The following GREB1 variants were observed in gnomAD, a reference collection of about 807,000 sequenced individuals.
The protein encoded by GREB1 is protein GREB1.
GREB1 carries 106 observed loss-of-function variants against 200.7 expected under a neutral mutation model. That is an observed-to-expected ratio of 0.53 (90% confidence interval 0.45 to 0.62). The LOEUF (loss-of-function observed/expected upper bound fraction) is 0.62, where lower values mean the gene tolerates loss of function less well. Ranked by LOEUF, GREB1 falls within the 20% of genes least tolerant of loss-of-function variation. The probability of loss-of-function intolerance (pLI) is 0.00; values close to 1 mark genes in which losing one functional copy is unlikely to be tolerated. For synonymous variants in GREB1, 1,132 were observed against 1,092.4 expected, an observed-to-expected ratio of 1.04 and a Z score of -0.72; for missense variants, 2,243 against 2,556.8, an observed-to-expected ratio of 0.88 and a Z score of 2.65.
At position 11,512,756 on chromosome 2, in the gene GREB1, C is replaced by G. The variant is rs143757476; in HGVS notation, c.-159+30375C>G. On this transcript the variant is annotated intron_variant, in intron 1 of 2. Coordinates refer to the GREB1 transcript ENST00000628795. ...TCTCACACGGCTGTTGGAAGGCTCACTGTGCCCAACACATGGCATGTGCTC... is the reference window on the plus strand; with the variant it reads ...TCTCACACGGCTGTTGGAAGGCTCAGTGTGCCCAACACATGGCATGTGCTC... 6.2e-3 allele frequency among the ~76,000 whole-genome samples: 949 copies of G among 152,348 alleles called. 9 individuals are homozygous for G. The highest frequency in any genetic ancestry group is 0.021 in the African/African-American group (873 of 41,584).
chr2:11,527,212 C>T (rs1252803545), intron 1 of GREB1, among the ~76,000 whole-genome samples: 2 of 152,020 alleles, frequency 1.3e-5, no homozygotes, highest in Non-Finnish European at 2.9e-5. Context: ...TTGAATGCAC[C>T]TATTGCTATC....
chr2:11,634,097 C>T (rs1404509249), intron 28 of GREB1, 34 bp from the exon 29 acceptor site: 1 of 1,594,358 alleles, frequency 6.3e-7, no homozygotes, highest in African/African-American at 1.3e-5. Context: ...GCTCGTGTGT[C>T]AGCCTAGGGA....
intron 10 of GREB1, chr2:11,592,193 T>C (rs958679214): frequency 6.8e-5 from 39 of 577,282 alleles, no homozygotes; most frequent in Non-Finnish European, 8.2e-5. Context: ...TTTTCTTTTT[T>C]TTTTTTTTTT....
In GREB1 at chr2:11,618,413, C is replaced by G; in HGVS notation, c.3538C>G (p.Arg1180Gly). 3 of 1,609,576 alleles carry G rather than the reference C, an allele frequency of 1.9e-6. No individual in the cohort carries two copies. Among genetic ancestry groups the G allele is most frequent in the South Asian group, 1.1e-5 (1 of 90,602 alleles). Reference protein sequence around the residue: ...GRAPGEKQRPRASQGPPSAIS... With the variant: ...GRAPGEKQRPGASQGPPSAIS... ...AGCCCCTGGTGAGAAACAGAGGCCC[C>G]GGGCAAGTCAGGGGCCACCCTCGGC... The change falls in exon 22 of 33, where the codon CGG becomes GGG. Residue 1180 changes from arginine to glycine, a missense_variant. By Grantham distance (125) the Arg-to-Gly change is moderately radical. Around this residue, in one of 3 missense-constraint regions of GREB1, gnomAD observed 587 missense variants for 553.1 expected, o/e 1.06. Transcript: ENST00000381486.
At chr2:11,515,185 C>T (rs1673458386) in intron 1 of GREB1, among the ~76,000 whole-genome samples, 1 of 151,640 alleles carries the variant, frequency 6.6e-6, no homozygotes, top group Admixed American at 6.6e-5. Context: ...ATCCATCCAT[C>T]CGTTCATGCA....
At chr2:11,555,019 A>G (rs2147860349) in intron 1 of GREB1, among the ~76,000 whole-genome samples, 1 of 152,330 alleles carries the variant, frequency 6.6e-6, no homozygotes. Flanking sequence ...AAAGAAATGA[A>G]AAGGAGAACA....
chr2:11,604,663 G>A (rs1422016306), intron 17 of GREB1, among the ~76,000 whole-genome samples: 2 of 152,180 alleles, frequency 1.3e-5, no homozygotes, highest in African/African-American at 2.4e-5. Context: ...AAGCCGAGTG[G>A]GAGAGTGATT....
chr2:11,599,098 C>T (rs1464760958), intron 15 of GREB1, among the ~76,000 whole-genome samples: 4 of 152,082 alleles, frequency 2.6e-5, no homozygotes, highest in Non-Finnish European at 4.4e-5. Flanking sequence ...AGAAGGGAAG[C>T]GTGTCTCCCA....
At chr2:11,504,707 A>G (rs1027085275) in intron 1 of GREB1, among the ~76,000 whole-genome samples, 25 of 152,242 alleles carry the variant, frequency 1.6e-4, no homozygotes, top group African/African-American at 6.0e-4. Context: ...TACTGGCTGA[A>G]TAACATTCCA....
intron 1 of GREB1, among the ~76,000 whole-genome samples, chr2:11,518,995 G>A (rs980013513): frequency 6.6e-6 from 1 of 151,700 alleles, no homozygotes; most frequent in African/African-American, 2.4e-5. Context: ...AGCTACTTGG[G>A]AGGCTGAGGC....
chr2:11,637,919 G>A lies in GREB1; in HGVS notation c.5547+3G>A, dbSNP rs1558678205. ...GTTACCTGAACCTGGGATCTCAGGT[G>A]ACTTTCAGAGGGGGTGCTGTCGAAT... On this transcript the variant is annotated splice_donor_region_variant and intron_variant, in intron 31 of 32. Coordinates refer to ENST00000381486, the MANE Select transcript of GREB1 (RefSeq NM_014668.4). 1.9e-6 allele frequency: 3 copies of A among 1,610,596 alleles called. No individual in the cohort carries two copies. The highest frequency in any genetic ancestry group is 2.5e-6 in the Non-Finnish European group (3 of 1,177,112).
chr2:11,631,757 T>G, intron 26 of GREB1, 152 bp from the exon 27 acceptor site: 1 of 657,146 alleles, frequency 1.5e-6, no homozygotes, highest in Non-Finnish European at 2.7e-6. Context: ...TTCCTCCCTT[T>G]TACTGGTAAA....
At chr2:11,562,753 C>CAG in intron 3 of GREB1, 171 bp downstream of exon 3, 1 of 639,288 alleles carries the variant, frequency 1.6e-6, no homozygotes, top group Non-Finnish European at 2.5e-6. Flanking sequence ...GGTGCTGGCC[C>CAG]GGCCTGCCCT....
At chr2:11,587,337 C>T in intron 9 of GREB1, 18 of 1,369,158 alleles carry the variant, frequency 1.3e-5, no homozygotes, top group Non-Finnish European at 1.4e-5. Context: ...ATGTCACATA[C>T]TTGCCTTTAT....
At chr2:11,497,971 CTTTTTTTTTTTTTTTTTTTTT>C (rs70955803) in intron 1 of GREB1, among the ~76,000 whole-genome samples, 98 of 40,628 alleles carry the variant, frequency 2.4e-3, no homozygotes, top group African/African-American at 4.9e-3. Context: ...CAGAGCAAAA[CTTTTTTTTTTTTTTTTTTTTT>C]TTTTTTTTTT....
intron 9 of GREB1, chr2:11,587,862 G>C (rs4669752): frequency 0.51 from 508,626 of 1,004,818 alleles, 133,338 homozygotes; most frequent in African/African-American, 0.87. Flanking sequence ...CATCATGTAG[G>C]TAAAGAATGG....
At chr2:11,596,433 A>T (rs1320590591) in intron 13 of GREB1, among the ~76,000 whole-genome samples, 194 bp downstream of exon 13, 1 of 96,590 alleles carries the variant, frequency 1.0e-5, no homozygotes, top group East Asian at 3.8e-4. Context: ...GCAGGGACGC[A>T]GGTGTGCACA....
chr2:11,588,387 G>A lies in GREB1; in HGVS notation c.1160-359G>A, dbSNP rs556550138. The stretch of plus-strand genomic sequence containing the variant: ...GGCAGCACCCAGTGAAGCTCTGGAA[G>A]GTGCTCTGCCCACAAGGTGTCCCAT... On this transcript the variant is annotated intron_variant, in intron 9 of 32. Coordinates refer to ENST00000381486, the MANE Select transcript of GREB1 (RefSeq NM_014668.4). 3.7e-5 allele frequency: 26 copies of A among 704,744 alleles called. No homozygotes were observed. In the East Asian group the frequency reaches 1.4e-3, roughly 39 times the overall value. The allele number at this position is 704,744 out of a possible 1,614,324, so 43.7% of individuals were successfully genotyped here.
At chr2:11,619,689 T>C (rs1572162725) in intron 22 of GREB1, among the ~76,000 whole-genome samples, 2 of 152,344 alleles carry the variant, frequency 1.3e-5, no homozygotes, top group Middle Eastern at 6.8e-3. Context: ...TTACTGGTCG[T>C]TGATACTTCT....
Sources: allele counts gnomAD v4.1 joint callset (sites outside exome capture counted in the v4.1 genomes callset), GRCh38; gene constraint gnomAD v4.1.1; regional missense constraint gnomAD v4.1.1; transcripts MANE v1.5; gene names NCBI Gene and HGNC (gene_info 2026-07-23, HGNC 2026-07-21).